Variants in ROPN1L observed in about 807,000 individuals in gnomAD.
The protein encoded by ROPN1L is ropporin-1-like protein.
Under a neutral mutation model 22.7 loss-of-function variants are expected in ROPN1L, and 23 were observed. The observed-to-expected ratio is 1.01, with a 90% CI of 0.73 to 1.43. The LOEUF is 1.43. Ranked by LOEUF, ROPN1L falls within the 40% of genes most tolerant of loss-of-function variation. The pLI is 0.00. For synonymous variants in ROPN1L, 116 were observed against 117.8 expected (o/e 0.98, Z 0.10); for missense variants, 271 against 291.5 (o/e 0.93, Z 0.51).
downstream of ROPN1L, among the ~76,000 whole-genome samples, chr5:10,472,602 T>A (rs1735266769): frequency 6.6e-6 from 1 of 152,214 alleles, no homozygotes; most frequent in South Asian, 2.1e-4. Context: ...ACATGTTAGC[T>A]ACTGATAATC....
At chr5:10,467,071 C>A (rs756799397), downstream of ROPN1L, among the ~76,000 whole-genome samples, 1 of 152,154 alleles carries the variant, frequency 6.6e-6, no homozygotes, top group East Asian at 1.9e-4. Flanking sequence ...TCTCCAAATA[C>A]AATCACAGTC....
chr5:10,466,196 T>TG (rs1429697297), downstream of ROPN1L, among the ~76,000 whole-genome samples: 1 of 152,188 alleles, frequency 6.6e-6, no homozygotes, highest in African/African-American at 2.4e-5. Context: ...AATGCCTGTC[T>TG]GGGGGGCCCA....
chr5:10,461,098 AGT>A, intron 3 of ROPN1L, 84 bp from the exon 4 acceptor site: 1 of 1,218,646 alleles, frequency 8.2e-7, no homozygotes, highest in Non-Finnish European at 1.2e-6. Context: ...AATATGCTAG[AGT>A]GTTGATTCTG....
intron 3 of ROPN1L, among the ~76,000 whole-genome samples, chr5:10,452,423 G>A (rs1251331459): frequency 2.1e-5 from 3 of 143,044 alleles, no homozygotes; most frequent in Non-Finnish European, 3.0e-5. Flanking sequence ...TGCCACCTCC[G>A]CCTCCCAGGT....
chr5:10,479,144 T>G, the ROPN1L span, among the ~76,000 whole-genome samples: 1 of 152,204 alleles, frequency 6.6e-6, no homozygotes, highest in Non-Finnish European at 1.5e-5. Context: ...TACAAGTGAT[T>G]AAGCTATAAA....
downstream of ROPN1L, among the ~76,000 whole-genome samples, chr5:10,466,563 C>T (rs1245733455): frequency 6.6e-6 from 1 of 152,154 alleles, no homozygotes; most frequent in African/African-American, 2.4e-5. Flanking sequence ...AAATCAGGAA[C>T]AGCTTTTCAC....
At chr5:10,442,695 G>A (rs1462359260) in intron 1 of ROPN1L, among the ~76,000 whole-genome samples, 1 of 152,232 alleles carries the variant, frequency 6.6e-6, no homozygotes, top group Non-Finnish European at 1.5e-5. Context: ...TTTTAGCTAA[G>A]TTCCTCATCT....
chr5:10,450,108 G>A lies in ROPN1L; in HGVS notation c.412G>A (p.Gly138Ser). ...TTTAGCGCTTGGATGCAGCATGCTT[G>A]GTGGGGTATGTACCTATAAACAGCA... Reference protein sequence around the residue: ...NFLALGCSMLGGSLNTALKHL... With the variant: ...NFLALGCSMLSGSLNTALKHL... Residue 138 changes from glycine to serine, a missense_variant, in exon 3 of 5, where the codon GGT becomes AGT. Gly to Ser is a moderately conservative substitution (Grantham distance 56, BLOSUM62 0). Transcript: ENST00000274134. 6.2e-7 allele frequency: 1 copy of A among 1,612,680 alleles called. No individual in the cohort carries two copies. The highest frequency in any genetic ancestry group is 8.5e-7 in the Non-Finnish European group (1 of 1,179,386).
chr5:10,453,620 G>T lies in ROPN1L; in HGVS notation c.417+3507G>T, dbSNP rs542896098. Reference sequence around the variant, plus strand: ...TGTAATTGGTGGCTAGCCGCTGCCTGCGTGAGCGGGATAGATGTCGTTCCT... The same window carrying T: ...TGTAATTGGTGGCTAGCCGCTGCCTTCGTGAGCGGGATAGATGTCGTTCCT... On this transcript the variant is annotated intron_variant, in intron 3 of 4. Coordinates refer to ENST00000274134, the MANE Select transcript of ROPN1L (RefSeq NM_031916.5). Among the ~76,000 whole-genome samples the T allele has an allele frequency of 1.3e-3, 201 of 152,356 alleles. 1 individual carries two copies. The highest frequency in any genetic ancestry group is 1.8e-3 in the Non-Finnish European group (120 of 68,024).
intron 4 of ROPN1L, among the ~76,000 whole-genome samples, chr5:10,462,478 C>T (rs1735052585): frequency 6.6e-6 from 1 of 152,210 alleles, no homozygotes; most frequent in South Asian, 2.1e-4. Context: ...TGGGCTGAGG[C>T]TCAGGTTTTT....
At position 10,442,837 on chromosome 5, in the gene ROPN1L, A is replaced by C. The variant is rs144242460; in HGVS notation, c.131+539A>C. On this transcript the variant is annotated intron_variant, in intron 1 of 4. Transcript: ENST00000274134. ...AACTGTCCAGCAAATGAAGCTTCAC[A>C]GTTTATTTTTTGCCACAAACATTCC... is the stretch of plus-strand genomic sequence containing the variant. Among the ~76,000 whole-genome samples the C allele has an allele frequency of 2.5e-3, 386 of 152,320 alleles. 2 individuals carry two copies. The highest frequency in any genetic ancestry group is 8.5e-3 in the African/African-American group (354 of 41,568).
downstream of ROPN1L, among the ~76,000 whole-genome samples, chr5:10,466,153 G>T (rs1735150271): frequency 6.6e-6 from 1 of 152,214 alleles, no homozygotes; most frequent in African/African-American, 2.4e-5. Context: ...TAGCTTCCAG[G>T]CCAGGGCTCA....
At position 10,450,052 on chromosome 5, in the gene ROPN1L, C is replaced by G. The variant is rs1741205913; in HGVS notation, c.356C>G (p.Pro119Arg). 1 of 1,613,924 alleles carries G rather than the reference C, an allele frequency of 6.2e-7. No homozygotes were observed. Among genetic ancestry groups the G allele is most frequent in the African/African-American group, 1.3e-5 (1 of 75,020 alleles). The change falls in exon 3 of 5, where the codon CCT becomes CGT. Residue 119 changes from proline to arginine, a missense_variant. Transcript: ENST00000274134. ...TTCAAAGCGCTCTTACAACTGGATC[C>G]TTGTGAAAACAAAATCAAGTGGATA... ...EKFKALLQLDPCENKIKWINF... is the reference protein window; with the variant it reads ...EKFKALLQLDRCENKIKWINF...
intron 3 of ROPN1L, among the ~76,000 whole-genome samples, chr5:10,458,487 C>T (rs1433864687): frequency 1.5e-5 from 2 of 137,104 alleles, no homozygotes; most frequent in Admixed American, 7.2e-5. Context: ...TACACCATCC[C>T]GCTGTGTACA....
chr5:10,474,360 C>T (rs1433902601), downstream of ROPN1L, among the ~76,000 whole-genome samples: 5 of 152,204 alleles, frequency 3.3e-5, no homozygotes, highest in South Asian at 1.0e-3. Context: ...ATTACCCCCT[C>T]GATTGTGGTC....
intron 1 of ROPN1L, among the ~76,000 whole-genome samples, chr5:10,445,745 G>A (rs192718699): frequency 1.5e-3 from 229 of 152,216 alleles, no homozygotes; most frequent in Non-Finnish European, 2.5e-3. Context: ...GCACAACGTG[G>A]CAAGACCTTG....
intron 1 of ROPN1L, among the ~76,000 whole-genome samples, chr5:10,442,744 G>C (rs1740928195): frequency 6.6e-6 from 1 of 152,076 alleles, no homozygotes. Flanking sequence ...CCCAGAGCTG[G>C]TTAAATTTAT....
intron 2 of ROPN1L, 128 bp downstream of exon 2, chr5:10,448,511 C>T (rs1337538254): frequency 3.0e-6 from 3 of 995,162 alleles, no homozygotes; most frequent in African/African-American, 1.6e-5. Context: ...TCCCTGAAAT[C>T]CTGCTTTCCC....
the ROPN1L span, among the ~76,000 whole-genome samples, chr5:10,478,350 G>A: frequency 6.6e-6 from 1 of 152,174 alleles, no homozygotes; most frequent in African/African-American, 2.4e-5. Flanking sequence ...CCCCGACAAA[G>A]TATCACAAAC....
Sources: gnomAD v4.1 joint callset for allele counts (sites outside exome capture counted in the v4.1 genomes callset) on GRCh38, gnomAD v4.1.1 for gene constraint, MANE v1.5 for transcripts, NCBI Gene and HGNC (gene_info 2026-07-23, HGNC 2026-07-21) for gene names.